RELN: variants seen among roughly 807,000 people sequenced by gnomAD.
RELN encodes the protein reelin.
A neutral mutation model predicts 427.6 loss-of-function variants in RELN; 108 were observed. That is an observed-to-expected ratio of 0.25 (90% CI 0.22 to 0.30). The LOEUF (loss-of-function observed/expected upper bound fraction) is 0.30. RELN is among the 10% of genes least tolerant of loss of function. The pLI, the probability that RELN is intolerant of heterozygous loss-of-function variation, is 1.00. For synonymous variants in RELN, 1,524 were observed against 1,513.4 expected (o/e 1.01, Z -0.16); for missense variants, 3,715 against 4,302.8 (o/e 0.86, Z 3.82).
At chr7:103,903,427 A>T (rs1224340032) in intron 2 of RELN, among the ~76,000 whole-genome samples, 1 of 152,018 alleles carries the variant, frequency 6.6e-6, no homozygotes, top group Non-Finnish European at 1.5e-5. Context: ...CCATGTAATG[A>T]CCTCCTGCTG....
At chr7:103,974,545 A>C (rs1796831985) in intron 1 of RELN, among the ~76,000 whole-genome samples, 1 of 152,208 alleles carries the variant, frequency 6.6e-6, no homozygotes, top group Non-Finnish European at 1.5e-5. Flanking sequence ...GGAAACATTC[A>C]TGTTAATTTC....
chr7:103,731,142 G>C (rs546154353), intron 6 of RELN, among the ~76,000 whole-genome samples: 1 of 152,176 alleles, frequency 6.6e-6, no homozygotes, highest in South Asian at 2.1e-4. Flanking sequence ...GCATACACTG[G>C]TTGCGATGGT....
At chr7:103,704,454 G>A (rs1031705430) in intron 8 of RELN, among the ~76,000 whole-genome samples, 4 of 151,920 alleles carry the variant, frequency 2.6e-5, no homozygotes, top group Non-Finnish European at 4.4e-5. Flanking sequence ...AAATCCACAC[G>A]TACCATCCTG....
At chr7:103,598,122 A>C (rs1047999599) in intron 24 of RELN, among the ~76,000 whole-genome samples, 5 of 152,332 alleles carry the variant, frequency 3.3e-5, no homozygotes, top group Middle Eastern at 3.4e-3. Context: ...TCACAGGGGA[A>C]ATAACTGGGG....
chr7:103,523,633 T>C (rs1584263060), intron 46 of RELN, 102 bp from the exon 47 acceptor site: 4 of 1,061,322 alleles, frequency 3.8e-6, no homozygotes, highest in Non-Finnish European at 5.7e-6. Flanking sequence ...CAAAAGCATG[T>C]ACATTCCTAC....
chr7:103,977,411 G>T (rs1489952168), intron 1 of RELN, among the ~76,000 whole-genome samples: 1 of 151,642 alleles, frequency 6.6e-6, no homozygotes, highest in Non-Finnish European at 1.5e-5. Flanking sequence ...ACGAGGAGAG[G>T]TCACCTATAC....
In RELN at chr7:103,682,171, A is replaced by G; in HGVS notation, c.1234T>C (p.Ser412Pro). ...NFATTRDVDL[S>P]TEDIQEQWSE... Reference sequence around the variant, plus strand: ...CATTGCTCTTGAATATCTTCTGTGGAAAGATCTACATCCCTGGTGGTGGCA... The same window carrying G: ...CATTGCTCTTGAATATCTTCTGTGGGAAGATCTACATCCCTGGTGGTGGCA... Residue 412 changes from serine (S) to proline (P), a missense_variant, in exon 11 of 65, where the codon TCC becomes CCC. Physicochemically the swap from Ser to Pro is moderately conservative, Grantham distance 74. This residue lies in a region of RELN where 2,208 missense variants were observed against 2,361.7 expected (regional missense o/e 0.93). Coordinates refer to ENST00000428762, the MANE Select transcript of RELN (RefSeq NM_005045.4). 1 of 1,613,908 alleles carries G rather than the reference A, an allele frequency of 6.2e-7. No homozygotes were observed. Among genetic ancestry groups the G allele is most frequent in the Middle Eastern group, 1.7e-4 (1 of 6,058 alleles).
chr7:103,630,851 G>T (rs28397150), intron 19 of RELN, among the ~76,000 whole-genome samples: 2,332 of 19,598 alleles, frequency 0.12, 37 homozygotes, highest in African/African-American at 0.24. Context: ...TTATTTTTTT[G>T]TTTTTTTTGT....
intron 11 of RELN, among the ~76,000 whole-genome samples, chr7:103,669,803 A>C (rs1833351456): frequency 1.3e-5 from 2 of 152,118 alleles, no homozygotes; most frequent in African/African-American, 4.8e-5. Flanking sequence ...CCTGAGGGAG[A>C]GAGCTCTCTA....
intron 11 of RELN, among the ~76,000 whole-genome samples, chr7:103,671,758 TTATC>T (rs1242448595): frequency 6.6e-6 from 1 of 152,166 alleles, no homozygotes. Context: ...TGTCTGCACT[TTATC>T]TACCTGTAGG....
chr7:103,647,504 G>A (rs1433965308), intron 16 of RELN, among the ~76,000 whole-genome samples: 2 of 149,232 alleles, frequency 1.3e-5, no homozygotes, highest in Non-Finnish European at 3.0e-5. Context: ...GGTGGTGAAT[G>A]ATCTCTACAA....
chr7:103,524,916 T>C (rs1444995889), intron 46 of RELN, among the ~76,000 whole-genome samples: 2 of 152,118 alleles, frequency 1.3e-5, no homozygotes, highest in African/African-American at 2.4e-5. Flanking sequence ...CACTTTCTAC[T>C]GCATTTTACC....
At chr7:103,755,304 T>TAAAAATAA (rs1791107599) in intron 4 of RELN, among the ~76,000 whole-genome samples, 2 of 150,982 alleles carry the variant, frequency 1.3e-5, no homozygotes, top group Non-Finnish European at 2.9e-5. Context: ...CCGTATCCAC[T>TAAAAATAA]AAAAATAAAA....
At chr7:103,856,105 A>G (rs1022043007) in intron 2 of RELN, among the ~76,000 whole-genome samples, 4 of 152,160 alleles carry the variant, frequency 2.6e-5, no homozygotes, top group Non-Finnish European at 4.4e-5. Flanking sequence ...GTTGGGTAGA[A>G]GGGCTATTCC....
intron 1 of RELN, among the ~76,000 whole-genome samples, chr7:103,955,817 C>G (rs1365568868): frequency 6.6e-6 from 1 of 152,144 alleles, no homozygotes; most frequent in Non-Finnish European, 1.5e-5. Context: ...AAAGCCCATC[C>G]CAGCTTCAGA....
rs1554451147 is a variant in RELN at position 103,975,515 on chromosome 7, GTATTTATTTATTTATT to G, written c.226+13600_226+13615del. Reference sequence around the variant, plus strand: ...TATGGGTCCTGGGAAGAATGGAGCAGTATTTATTTATTTATTTATTTATTTATTTATTTATTTATTT... The same window carrying G: ...TATGGGTCCTGGGAAGAATGGAGCAGTATTTATTTATTTATTTATTTATTT... On this transcript the variant is annotated intron_variant, in intron 1 of 64. Transcript: ENST00000428762. 6.7e-3 allele frequency among the ~76,000 whole-genome samples: 950 copies of G among 141,862 alleles called. 11 individuals are homozygous for G. Among genetic ancestry groups the G allele is most frequent in the African/African-American group, 0.023 (858 of 38,038 alleles). 93.1% of individuals were successfully genotyped at this position (141,862 alleles called of 152,430 possible). A position where few individuals can be genotyped will look rare whatever the true frequency, so the allele number is the denominator to read the frequency against.
intron 2 of RELN, among the ~76,000 whole-genome samples, chr7:103,886,959 T>A (rs538280434): frequency 6.6e-4 from 101 of 152,226 alleles, no homozygotes; most frequent in African/African-American, 2.2e-3. Context: ...AATAAAACTA[T>A]GAAAAAGATA....
At chr7:103,876,702 T>C (rs183976075) in intron 2 of RELN, among the ~76,000 whole-genome samples, 10 of 152,272 alleles carry the variant, frequency 6.6e-5, no homozygotes, top group Admixed American at 5.2e-4. Context: ...AAATATACTA[T>C]GTGATGCTTA....
chr7:103,708,462 C>CTTTTTTTTTTTTTT lies in RELN; in HGVS notation c.806-7457_806-7456insAAAAAAAAAAAAAA, dbSNP rs1562965678. 3.1e-5 allele frequency among the ~76,000 whole-genome samples: 3 copies of CTTTTTTTTTTTTTT among 96,878 alleles called. No homozygotes were observed. In the East Asian group the frequency reaches 8.6e-4, roughly 28 times the overall value. The allele number at this position is 96,878 out of a possible 152,430, so 63.6% of individuals were successfully genotyped here. A position where few individuals can be genotyped will look rare whatever the true frequency, so the allele number is the denominator to read the frequency against. On this transcript the variant is annotated intron_variant, in intron 8 of 64. Coordinates refer to ENST00000428762, the MANE Select transcript of RELN (RefSeq NM_005045.4). ...GTCACCCAAACACCAGTGGGTATGACTCTTTTTTTTTTTTTTTTTGAGACG... is the reference window on the plus strand; with the variant it reads ...GTCACCCAAACACCAGTGGGTATGACTTTTTTTTTTTTTTTCTTTTTTTTTTTTTTTTTGAGACG...
Sources: allele counts gnomAD v4.1 joint callset (sites outside exome capture counted in the v4.1 genomes callset), GRCh38; gene constraint gnomAD v4.1.1; regional missense constraint gnomAD v4.1.1; transcripts MANE v1.5; gene names NCBI Gene and HGNC (gene_info 2026-07-23, HGNC 2026-07-21).